EYA2: variants seen among roughly 807,000 people sequenced by gnomAD.
EYA2 encodes protein phosphatase EYA2.
A neutral mutation model predicts 69.2 loss-of-function variants in EYA2; 31 were observed. The ratio of observed to expected loss-of-function variants is 0.45; its 90% CI spans 0.34 to 0.60. The LOEUF is 0.60. Ranked by LOEUF, EYA2 falls within the 20% of genes least tolerant of loss-of-function variation. The pLI is 0.02. For synonymous variants in EYA2, 257 were observed against 279.4 expected (o/e 0.92, Z 0.80); for missense variants, 622 against 701.2 (o/e 0.89, Z 1.28).
intron 3 of EYA2, among the ~76,000 whole-genome samples, chr20:47,002,924 A>T (rs1033944573): frequency 4.6e-5 from 7 of 152,250 alleles, no homozygotes; most frequent in African/African-American, 1.4e-4. Context: ...AAAGAAGGGC[A>T]TAGGGACATC....
At chr20:47,080,967 A>C (rs1386516028) in intron 7 of EYA2, among the ~76,000 whole-genome samples, 1 of 152,158 alleles carries the variant, frequency 6.6e-6, no homozygotes, top group African/African-American at 2.4e-5. Flanking sequence ...TCCTGGGCTC[A>C]AGCAATCCTC....
At chr20:46,978,546 C>G in intron 1 of EYA2, 1 of 534,556 alleles carries the variant, frequency 1.9e-6, no homozygotes, top group Non-Finnish European at 3.8e-6. Context: ...AGATATTGGA[C>G]AAGGAGAAGC....
Position 46,946,511 on chromosome 20 carries a change from G to A in EYA2, c.-10-43490G>A, listed in dbSNP as rs1352084403. Among the ~76,000 whole-genome samples, 6 of 152,160 alleles carry A rather than the reference G, an allele frequency of 3.9e-5. No individual in the cohort carries two copies. The East Asian group carries it at 1.2e-3, about 29-fold the overall frequency. On this transcript the variant is annotated intron_variant, in intron 1 of 15. Transcript: ENST00000327619. ...AAGAACTTTTCTGGACATGACCCTGGGTCCACCCTAAGCCCCTGATTACCA... is the reference window on the plus strand; with the variant it reads ...AAGAACTTTTCTGGACATGACCCTGAGTCCACCCTAAGCCCCTGATTACCA...
intron 1 of EYA2, among the ~76,000 whole-genome samples, chr20:46,976,927 T>TAAC (rs1468015525): frequency 6.6e-6 from 1 of 152,092 alleles, no homozygotes; most frequent in Non-Finnish European, 1.5e-5. Context: ...TTCGTTCTCA[T>TAAC]AACAACAACA....
intron 5 of EYA2, among the ~76,000 whole-genome samples, chr20:47,042,648 T>TA (rs1985144936): frequency 6.6e-6 from 1 of 152,162 alleles, no homozygotes; most frequent in Admixed American, 6.5e-5. Context: ...CATTATCAGT[T>TA]AGAGTTCATT....
chr20:47,115,927 A>G (rs374935082), intron 9 of EYA2, among the ~76,000 whole-genome samples: 2 of 152,132 alleles, frequency 1.3e-5, no homozygotes, highest in African/African-American at 4.8e-5. Flanking sequence ...GCTCACATGC[A>G]CTTCCCACCA....
chr20:47,183,434 A>T (rs1323313923), intron 15 of EYA2, 43 bp downstream of exon 15: 1 of 1,588,376 alleles, frequency 6.3e-7, no homozygotes, highest in Non-Finnish European at 8.6e-7. Context: ...TGCTCTTTCG[A>T]GCACCCCTCG....
intron 9 of EYA2, among the ~76,000 whole-genome samples, chr20:47,122,090 G>A (rs918190455): frequency 6.6e-6 from 1 of 152,040 alleles, no homozygotes; most frequent in Non-Finnish European, 1.5e-5. Flanking sequence ...GAAGATCTGG[G>A]CATGCTGCAC....
At chr20:46,968,473 C>T (rs1333941715) in intron 1 of EYA2, among the ~76,000 whole-genome samples, 1 of 152,152 alleles carries the variant, frequency 6.6e-6, no homozygotes, top group Non-Finnish European at 1.5e-5. Flanking sequence ...CCAAGGGTTG[C>T]GGCTGTATCT....
At chr20:47,087,410 C>T (rs763116105) in intron 7 of EYA2, among the ~76,000 whole-genome samples, 3 of 152,162 alleles carry the variant, frequency 2.0e-5, no homozygotes, top group Admixed American at 6.5e-5. Flanking sequence ...CGAAGGTTCA[C>T]GCTGTTTTAC....
chr20:47,013,038 TCCAACCCCTTCAG>T (rs1234566978), intron 4 of EYA2, among the ~76,000 whole-genome samples: 4 of 152,240 alleles, frequency 2.6e-5, no homozygotes, highest in African/African-American at 9.6e-5. Context: ...AATTTTATGA[TCCAACCCCTTCAG>T]CAAACAAAAG....
At chr20:46,949,282 G>A (rs1206754) in intron 1 of EYA2, among the ~76,000 whole-genome samples, 16 of 152,294 alleles carry the variant, frequency 1.1e-4, no homozygotes, top group East Asian at 5.8e-4. Flanking sequence ...TACATGAGCC[G>A]GTTCCTTTTA....
chr20:47,079,699 G>C (rs527436475), intron 7 of EYA2, among the ~76,000 whole-genome samples: 3 of 152,218 alleles, frequency 2.0e-5, no homozygotes, highest in Admixed American at 2.0e-4. Context: ...ATCAATCATG[G>C]TGCATCCACC....
At chr20:47,068,909 T>A (rs2031211307) in intron 5 of EYA2, among the ~76,000 whole-genome samples, 1 of 152,196 alleles carries the variant, frequency 6.6e-6, no homozygotes, top group South Asian at 2.1e-4. Context: ...CAGCAACTAG[T>A]GTGAATGTTT....
chr20:47,016,163 C>T lies in EYA2; in HGVS notation c.299-18C>T, dbSNP rs1390713184. 1.9e-6 allele frequency: 3 copies of T among 1,572,100 alleles called. No homozygotes were observed. The highest frequency in any genetic ancestry group is 2.7e-5 in the African/African-American group (2 of 73,764). On this transcript the variant is annotated intron_variant, in intron 4 of 15. Coordinates refer to ENST00000327619, the MANE Select transcript of EYA2 (RefSeq NM_005244.5). ...TCATGTGTCCTTGGTCCTTTTTTTT[C>T]CCCCTCTTCCTTCAAAGGCATCAAG...
intron 1 of EYA2, among the ~76,000 whole-genome samples, chr20:46,912,543 G>C (rs1366450444): frequency 2.0e-5 from 3 of 152,186 alleles, no homozygotes; most frequent in African/African-American, 7.2e-5. Context: ...TGCCCTCATG[G>C]AGCTTTTGTT....
chr20:47,028,576 G>C (rs919109053), intron 5 of EYA2, among the ~76,000 whole-genome samples: 1 of 152,240 alleles, frequency 6.6e-6, no homozygotes, highest in Non-Finnish European at 1.5e-5. Context: ...CACTGTGCCA[G>C]GTGCTGAGAA....
chr20:47,172,057 C>T (rs1333959489), intron 11 of EYA2, among the ~76,000 whole-genome samples: 3 of 151,916 alleles, frequency 2.0e-5, no homozygotes, highest in Admixed American at 6.6e-5. Context: ...CGAGATCATG[C>T]CTTTGCACTC....
At chr20:47,047,226 A>AT (rs141187935) in intron 5 of EYA2, among the ~76,000 whole-genome samples, 1 of 152,194 alleles carries the variant, frequency 6.6e-6, no homozygotes, top group African/African-American at 2.4e-5. Flanking sequence ...GCAGTTCCCC[A>AT]TTAAACGTGG....
Sources: gnomAD v4.1 joint callset for allele counts (sites outside exome capture counted in the v4.1 genomes callset) on GRCh38, gnomAD v4.1.1 for gene constraint, MANE v1.5 for transcripts, NCBI Gene and HGNC (gene_info 2026-07-23, HGNC 2026-07-21) for gene names.